PLCB4: variants seen among roughly 807,000 people sequenced by gnomAD.
PLCB4 encodes phospholipase C beta 4.
A neutral mutation model predicts 178.8 loss-of-function variants in PLCB4; 77 were observed. The observed-to-expected ratio is 0.43, with a 90% confidence interval of 0.36 to 0.52. The LOEUF (loss-of-function observed/expected upper bound fraction) is 0.52, where lower values mean the gene tolerates loss of function less well. Ranked by LOEUF, PLCB4 falls within the 20% of genes least tolerant of loss-of-function variation. PLCB4 has a pLI of 0.00. For synonymous variants in PLCB4, 496 were observed against 490.8 expected (o/e 1.01, Z -0.14); for missense variants, 1,024 against 1,453.4 (o/e 0.70, Z 4.80).
At chr20:9,117,647 C>G (rs540356806) in intron 2 of PLCB4, among the ~76,000 whole-genome samples, 1 of 152,274 alleles carries the variant, frequency 6.6e-6, no homozygotes, top group Non-Finnish European at 1.5e-5. Context: ...ATATTCTGAC[C>G]CTTTTCTTTC....
chr20:9,316,825 G>A (rs933674430), intron 4 of PLCB4, among the ~76,000 whole-genome samples: 1 of 152,112 alleles, frequency 6.6e-6, no homozygotes, highest in Non-Finnish European at 1.5e-5. Context: ...CAACATTCAG[G>A]CCTGTTCCTT....
At chr20:9,154,188 A>C (rs7269165) in intron 2 of PLCB4, among the ~76,000 whole-genome samples, 3,336 of 152,206 alleles carry the variant, frequency 0.022, 62 homozygotes, top group African/African-American at 0.035. Flanking sequence ...CTTTTAGTTG[A>C]GGCATCTCCT....
intron 38 of PLCB4, 91 bp downstream of exon 38, chr20:9,473,456 A>G (rs1332348454): frequency 5.0e-6 from 3 of 597,240 alleles, no homozygotes; most frequent in Non-Finnish European, 8.9e-6. Flanking sequence ...TGGCTTGCAT[A>G]TTGTAATTGA....
intron 3 of PLCB4, among the ~76,000 whole-genome samples, chr20:9,294,031 G>C (rs2179322): frequency 7.2e-5 from 11 of 152,044 alleles, no homozygotes; most frequent in Admixed American, 6.6e-5. Context: ...GCAGCTGAGG[G>C]CACGTTTCTT....
At chr20:9,429,806 G>A (rs1041969374) in intron 28 of PLCB4, among the ~76,000 whole-genome samples, 1 of 152,192 alleles carries the variant, frequency 6.6e-6, no homozygotes, top group African/African-American at 2.4e-5. Context: ...GGCAGGCCTT[G>A]GCTCCCTAAT....
intron 2 of PLCB4, among the ~76,000 whole-genome samples, chr20:9,173,046 G>A (rs1407810822): frequency 6.6e-6 from 1 of 152,178 alleles, no homozygotes; most frequent in Non-Finnish European, 1.5e-5. Context: ...AACAGATGAT[G>A]AACTATGCTT....
intron 4 of PLCB4, among the ~76,000 whole-genome samples, chr20:9,326,400 C>A (rs569347282): frequency 6.6e-6 from 1 of 152,204 alleles, no homozygotes; most frequent in East Asian, 1.9e-4. Flanking sequence ...AATAAGCGTT[C>A]TCTGTATCTC....
chr20:9,425,179 G>C (rs2040912848), intron 28 of PLCB4, among the ~76,000 whole-genome samples: 1 of 152,168 alleles, frequency 6.6e-6, no homozygotes, highest in Non-Finnish European at 1.5e-5. Flanking sequence ...GGAGACAAGT[G>C]GTAGGTTTAG....
At chr20:9,315,634 T>TAAG (rs1037947349) in intron 4 of PLCB4, among the ~76,000 whole-genome samples, 2 of 152,008 alleles carry the variant, frequency 1.3e-5, no homozygotes, top group African/African-American at 4.8e-5. Flanking sequence ...AGCTGAATGA[T>TAAG]AAGAAGTAGC....
At chr20:9,208,714 T>C (rs566997988) in intron 2 of PLCB4, among the ~76,000 whole-genome samples, 44 of 152,116 alleles carry the variant, frequency 2.9e-4, no homozygotes, top group Non-Finnish European at 5.6e-4. Context: ...TAATTTTCTG[T>C]ATTTTGTGTA....
intron 2 of PLCB4, among the ~76,000 whole-genome samples, chr20:9,182,772 C>T (rs893750106): frequency 2.1e-4 from 32 of 152,300 alleles, no homozygotes; most frequent in African/African-American, 7.5e-4. Context: ...TAAGGGGCTT[C>T]CTGGTGTAGC....
At chr20:9,121,982 T>C (rs2091973437) in intron 2 of PLCB4, among the ~76,000 whole-genome samples, 1 of 152,202 alleles carries the variant, frequency 6.6e-6, no homozygotes, top group African/African-American at 2.4e-5. Flanking sequence ...CAAATAGAAA[T>C]GTTATTAAAT....
At chr20:9,350,837 C>T (rs1299694430) in intron 7 of PLCB4, among the ~76,000 whole-genome samples, 3 of 152,174 alleles carry the variant, frequency 2.0e-5, no homozygotes, top group East Asian at 1.9e-4. Flanking sequence ...GGGTTACAGG[C>T]GTGAGCCACC....
chr20:9,441,716 G>A (rs144453862), intron 30 of PLCB4, among the ~76,000 whole-genome samples: 5 of 152,284 alleles, frequency 3.3e-5, no homozygotes, highest in Admixed American at 2.0e-4. Flanking sequence ...GAGGGTTCCC[G>A]TGGAAGGGAT....
chr20:9,322,031 T>A (rs976116073), intron 4 of PLCB4, among the ~76,000 whole-genome samples: 4 of 150,132 alleles, frequency 2.7e-5, no homozygotes, highest in Non-Finnish European at 5.9e-5. Flanking sequence ...TACTGCAACC[T>A]CTAACTCCTG....
intron 3 of PLCB4, among the ~76,000 whole-genome samples, chr20:9,248,590 T>C (rs1227710180): frequency 1.3e-5 from 2 of 152,178 alleles, no homozygotes; most frequent in African/African-American, 4.8e-5. Context: ...TTAGTAAAAA[T>C]TACATAAAGA....
chr20:9,120,056 C>T lies in PLCB4; in HGVS notation c.-79+23714C>T, dbSNP rs552248816. On this transcript the variant is annotated intron_variant, in intron 2 of 39. Transcript: ENST00000378473. ...ATCTGCTTTGGCAGCCAGTCTGCCT[C>T]GGGCATCTGTGCTAATTATTCTGCC... Among the ~76,000 whole-genome samples, 8 of 152,248 alleles carry T rather than the reference C, an allele frequency of 5.3e-5. No homozygotes were observed. In the South Asian group the frequency reaches 6.2e-4, roughly 12 times the overall value.
At chr20:9,263,413 C>G (rs574398391) in intron 3 of PLCB4, among the ~76,000 whole-genome samples, 3 of 152,204 alleles carry the variant, frequency 2.0e-5, no homozygotes, top group African/African-American at 7.2e-5. Context: ...TATCTAGTCC[C>G]TTGCTATTGA....
chr20:9,437,752 A>G (rs2041865131), intron 30 of PLCB4, among the ~76,000 whole-genome samples: 1 of 152,230 alleles, frequency 6.6e-6, no homozygotes, highest in Admixed American at 6.5e-5. Context: ...AAATGAGTCA[A>G]AGGAGTATTT....
Sources: gnomAD v4.1 joint callset for allele counts (sites outside exome capture counted in the v4.1 genomes callset) on GRCh38, gnomAD v4.1.1 for gene constraint, MANE v1.5 for transcripts, NCBI Gene and HGNC (gene_info 2026-07-23, HGNC 2026-07-21) for gene names.